The following USP43 variants were observed in gnomAD, a reference collection of about 807,000 sequenced individuals.
USP43 encodes the protein ubiquitin specific peptidase 43, also known as ubiquitin carboxyl-terminal hydrolase 43.
Under a neutral mutation model 90.7 loss-of-function variants are expected in USP43, and 33 were observed. The ratio of observed to expected loss-of-function variants is 0.36; its 90% CI spans 0.28 to 0.49. The LOEUF (loss-of-function observed/expected upper bound fraction) is 0.49, where lower values mean the gene tolerates loss of function less well. USP43 is among the 20% of genes least tolerant of loss of function. USP43 has a pLI of 0.98. For missense variants in USP43, 1,274 were observed against 1,476.4 expected, an observed-to-expected ratio of 0.86 and a Z score of 2.25; for synonymous variants, 598 against 615.8, an observed-to-expected ratio of 0.97 and a Z score of 0.43.
intron 1 of USP43, among the ~76,000 whole-genome samples, chr17:9,651,889 C>G (rs1163675858): frequency 1.3e-5 from 2 of 152,016 alleles, no homozygotes; most frequent in Non-Finnish European, 2.9e-5. Context: ...AGCTTTATTA[C>G]TGTCATTCAT....
At chr17:9,681,462 T>TTATATATATATATATA (rs1184883523) in intron 6 of USP43, among the ~76,000 whole-genome samples, 6 of 18,576 alleles carry the variant, frequency 3.2e-4, no homozygotes, top group Admixed American at 9.2e-4. Flanking sequence ...ATAAAATATA[T>TTATATATATATATATA]TATATATATA....
At chr17:9,718,115 A>G (rs1370919466) in intron 14 of USP43, among the ~76,000 whole-genome samples, 7 of 149,036 alleles carry the variant, frequency 4.7e-5, no homozygotes, top group Non-Finnish European at 8.8e-5. Context: ...ATTTATTTTA[A>G]TGTTTAATAG....
chr17:9,701,664 A>T lies in USP43; in HGVS notation c.1975A>T (p.Asn659Tyr). The change falls in exon 12 of 15, where the codon AAC becomes TAC. Residue 659 changes from asparagine (N) to tyrosine (Y), a missense_variant. Physicochemically the swap from Asn to Tyr is moderately radical, Grantham distance 143. Around this residue, in one of 6 missense-constraint regions of USP43, gnomAD observed 285 missense variants for 349.6 expected, o/e 0.82. Transcript: ENST00000285199. The surrounding 1 kb of genome is among the most constrained non-coding windows in gnomAD (Gnocchi z 7.2). ...CCTGTACGACCTGTATGCCGTCTGC[A>T]ACCACCATGGCAACCTGCAAGGTGG... ...DFLYDLYAVC[N>Y]HHGNLQGGHY... 6.3e-7 allele frequency: 1 copy of T among 1,583,072 alleles called. No individual in the cohort carries two copies. The highest frequency in any genetic ancestry group is 8.6e-7 in the Non-Finnish European group (1 of 1,164,754).
In USP43 at chr17:9,728,340, G is replaced by A. The variant is rs781092429; in HGVS notation, c.2722G>A (p.Gly908Ser). The change falls in exon 15 of 15, where the codon GGT (glycine) becomes AGT (serine). Residue 908 changes from glycine to serine, a missense_variant. Physicochemically the swap from Gly to Ser is moderately conservative, Grantham distance 56. Coordinates refer to ENST00000285199, the MANE Select transcript of USP43 (RefSeq NM_153210.5). The surrounding 1 kb of genome is among the most constrained non-coding windows in gnomAD (Gnocchi z 6.2). ...NHCLAPGNSD[G>S]PNTARKLKEN... ...CTGTCTGGCCCCTGGAAACTCAGATGGTCCAAACACAGCAAGGAAACTCAA... is the reference window on the plus strand; with the variant it reads ...CTGTCTGGCCCCTGGAAACTCAGATAGTCCAAACACAGCAAGGAAACTCAA... 83 of 1,612,046 alleles carry A rather than the reference G, an allele frequency of 5.1e-5. No individual in the cohort carries two copies. The South Asian group carries it at 7.8e-4, about 15-fold the overall frequency.
chr17:9,677,241 T>C (rs528793530), intron 5 of USP43, among the ~76,000 whole-genome samples: 237 of 152,354 alleles, frequency 1.6e-3, no homozygotes, highest in African/African-American at 5.6e-3. Context: ...GACATTACAA[T>C]TATCCTCATC....
In USP43 at chr17:9,701,916, A is replaced by T. The variant is rs1478560457; in HGVS notation, c.2011+216A>T. ...CTGGTGGGGGAGAGAGAATTCCAGTAAAATATAGTGCTGAGTCAGAAGGAT... is the reference window on the plus strand; with the variant it reads ...CTGGTGGGGGAGAGAGAATTCCAGTTAAATATAGTGCTGAGTCAGAAGGAT... On this transcript the variant is annotated intron_variant, in intron 12 of 14. Coordinates refer to ENST00000285199, the MANE Select transcript of USP43 (RefSeq NM_153210.5). This position sits in a 1 kb window ranked among gnomAD's most constrained non-coding sequence, Gnocchi z 7.2. 6.6e-6 allele frequency among the ~76,000 whole-genome samples: 1 copy of T among 152,180 alleles called. No homozygotes were observed. The highest frequency in any genetic ancestry group is 1.9e-4 in the East Asian group (1 of 5,176).
In USP43 at chr17:9,674,646, T is replaced by C. The variant is rs1269886901; in HGVS notation, c.741-245T>C. The stretch of plus-strand genomic sequence containing the variant: ...AGTTGTACTCTACTATGTGGACGTA[T>C]CATATTCTGTTTACCCATTTGTCTG... On this transcript the variant is annotated intron_variant, in intron 3 of 14. Transcript: ENST00000285199. This position sits in a 1 kb window ranked among gnomAD's most constrained non-coding sequence, Gnocchi z 4.4. Among the ~76,000 whole-genome samples the C allele has an allele frequency of 2.0e-5, 3 of 152,222 alleles. No individual in the cohort carries two copies. The highest frequency in any genetic ancestry group is 4.4e-5 in the Non-Finnish European group (3 of 68,044).
rs66846592 is a variant in USP43 at position 9,709,743 on chromosome 17, T to A, written c.2012-213T>A. Reference sequence around the variant, plus strand: ...AAATAAATAAAAATAAATAAATAAATAAAAATAATAACAGCACTTGTTATA... The same window carrying A: ...AAATAAATAAAAATAAATAAATAAAAAAAAATAATAACAGCACTTGTTATA... On this transcript the variant is annotated intron_variant, in intron 12 of 14. Coordinates refer to ENST00000285199, the MANE Select transcript of USP43 (RefSeq NM_153210.5). The surrounding 1 kb of genome is among the most constrained non-coding windows in gnomAD (Gnocchi z 5.0). Among the ~76,000 whole-genome samples the A allele has an allele frequency of 0.19, 28,163 of 151,278 alleles. 3,035 individuals carry two copies. The highest frequency in any genetic ancestry group is 0.31 in the African/African-American group (12,509 of 40,904).
At chr17:9,673,335 G>A (rs776273643) in intron 3 of USP43, among the ~76,000 whole-genome samples, 9 of 151,954 alleles carry the variant, frequency 5.9e-5, no homozygotes, top group East Asian at 1.9e-4. Flanking sequence ...TGAATCCCCC[G>A]TCTCTACTGA....
intron 1 of USP43, among the ~76,000 whole-genome samples, chr17:9,650,843 T>A (rs76729124): frequency 0.079 from 12,026 of 152,252 alleles, 482 homozygotes; most frequent in South Asian, 0.13. Context: ...AGCATATTTT[T>A]AAAAATTTTA....
chr17:9,703,675 C>A (rs1041707819), intron 12 of USP43, among the ~76,000 whole-genome samples: 4 of 152,332 alleles, frequency 2.6e-5, no homozygotes, highest in African/African-American at 9.6e-5. Context: ...CAACACAGCC[C>A]TGGGTAAGAC....
intron 7 of USP43, among the ~76,000 whole-genome samples, chr17:9,684,502 G>A (rs1022430198): frequency 6.6e-6 from 1 of 152,054 alleles, no homozygotes; most frequent in Non-Finnish European, 1.5e-5. Context: ...GGTGGCTCAC[G>A]CCTGTAATCC....
intron 2 of USP43, among the ~76,000 whole-genome samples, chr17:9,658,728 G>C (rs1053873938): frequency 6.6e-6 from 1 of 152,162 alleles, no homozygotes; most frequent in Admixed American, 6.5e-5. Flanking sequence ...TTAAGGAAAG[G>C]GCATTTATTG....
intron 14 of USP43, among the ~76,000 whole-genome samples, chr17:9,714,445 G>A (rs1394526804): frequency 6.6e-6 from 1 of 152,120 alleles, no homozygotes; most frequent in Non-Finnish European, 1.5e-5. Flanking sequence ...ACTTTGGGAG[G>A]CCGAGGTGGG....
At chr17:9,652,212 CAA>C (rs769295315) in intron 1 of USP43, among the ~76,000 whole-genome samples, 46 of 42,672 alleles carry the variant, frequency 1.1e-3, no homozygotes, top group Middle Eastern at 0.017. Flanking sequence ...GCCCTTAGCG[CAA>C]AAAAAAAAAA....
chr17:9,698,292 T>A (rs997541033), intron 9 of USP43, among the ~76,000 whole-genome samples: 12 of 152,232 alleles, frequency 7.9e-5, no homozygotes, highest in African/African-American at 2.7e-4. Context: ...CTTTATTCTG[T>A]TGATAGCTTC....
chr17:9,681,690 C>T (rs1231158194), intron 6 of USP43, among the ~76,000 whole-genome samples: 1 of 151,020 alleles, frequency 6.6e-6, no homozygotes. Context: ...GATGGGGTTT[C>T]ACCATGTTGG....
intron 10 of USP43, 104 bp downstream of exon 10, chr17:9,700,353 A>G: frequency 8.8e-7 from 1 of 1,133,214 alleles, no homozygotes; most frequent in South Asian, 1.5e-5. Context: ...GGCAGGGTGC[A>G]CACATCTTTG....
intron 1 of USP43, among the ~76,000 whole-genome samples, chr17:9,651,030 C>T (rs1911822914): frequency 6.6e-6 from 1 of 151,962 alleles, no homozygotes; most frequent in African/African-American, 2.4e-5. Context: ...TGCTCTTGTG[C>T]CTTTGCATCC....
Sources: gnomAD v4.1 joint callset for allele counts (sites outside exome capture counted in the v4.1 genomes callset) on GRCh38, gnomAD v4.1.1 for gene constraint, gnomAD v4.1.1 regional missense constraint, Gnocchi (gnomAD v3.1) non-coding constraint, MANE v1.5 for transcripts, NCBI Gene and HGNC (gene_info 2026-07-23, HGNC 2026-07-21) for gene names.